PRKCA: variants seen among roughly 807,000 people sequenced by gnomAD.
PRKCA encodes the protein protein kinase C alpha.
A neutral mutation model predicts 87.0 loss-of-function variants in PRKCA; 27 were observed. That is an observed-to-expected ratio of 0.31 (90% CI 0.23 to 0.43). The LOEUF is 0.43. Among genes scored for constraint, PRKCA ranks in the 20% least tolerant of loss-of-function variants. The probability of loss-of-function intolerance (pLI) is 1.00; values close to 1 mark genes in which losing one functional copy is unlikely to be tolerated. For missense variants in PRKCA, 518 were observed against 852.3 expected, an observed-to-expected ratio of 0.61 and a Z score of 4.88; for synonymous variants, 329 against 311.1, an observed-to-expected ratio of 1.06 and a Z score of -0.61.
intron 3 of PRKCA, among the ~76,000 whole-genome samples, chr17:66,544,754 AG>A (rs1201921701): frequency 2.6e-5 from 4 of 151,924 alleles, no homozygotes; most frequent in African/African-American, 7.2e-5. Flanking sequence ...CACCATGCCC[AG>A]CTAATTTTTG....
chr17:66,434,626 G>A (rs995663327), intron 2 of PRKCA, among the ~76,000 whole-genome samples: 1 of 141,910 alleles, frequency 7.0e-6, no homozygotes, highest in Non-Finnish European at 1.5e-5. Context: ...AGCCAGATGT[G>A]TAGCTGCTTC....
intron 3 of PRKCA, among the ~76,000 whole-genome samples, chr17:66,633,904 T>G (rs1009623264): frequency 1.1e-4 from 16 of 152,236 alleles, no homozygotes; most frequent in African/African-American, 3.6e-4. Flanking sequence ...CCTCAACTAC[T>G]GCCTTTGCAG....
intron 2 of PRKCA, among the ~76,000 whole-genome samples, chr17:66,326,692 T>C (rs1598592713): frequency 6.6e-6 from 1 of 152,034 alleles, no homozygotes; most frequent in South Asian, 2.1e-4. Context: ...ATAGCCAGAG[T>C]GGGGTGTAGT....
chr17:66,318,347 T>C (rs771063431), intron 2 of PRKCA, among the ~76,000 whole-genome samples: 4 of 152,340 alleles, frequency 2.6e-5, no homozygotes, highest in African/African-American at 9.6e-5. Context: ...GATTTTTTTT[T>C]AATTTTTAGG....
At chr17:66,596,481 G>A (rs992269779) in intron 3 of PRKCA, among the ~76,000 whole-genome samples, 1 of 149,748 alleles carries the variant, frequency 6.7e-6, no homozygotes, top group Non-Finnish European at 1.5e-5. Context: ...GGAGTGATCA[G>A]TATCTTCTTC....
intron 16 of PRKCA, among the ~76,000 whole-genome samples, chr17:66,791,525 A>G (rs887814909): frequency 4.6e-5 from 7 of 152,320 alleles, no homozygotes; most frequent in Middle Eastern, 3.4e-3. Flanking sequence ...GGGCAGAGAG[A>G]TAAATGGGGC....
chr17:66,557,266 TTC>T (rs1214960302), intron 3 of PRKCA, among the ~76,000 whole-genome samples: 1 of 152,180 alleles, frequency 6.6e-6, no homozygotes, highest in Non-Finnish European at 1.5e-5. Flanking sequence ...ATTCAGAGAC[TTC>T]TCTCTGTGAA....
At chr17:66,489,248 C>T (rs957132588) in intron 2 of PRKCA, among the ~76,000 whole-genome samples, 4 of 150,904 alleles carry the variant, frequency 2.7e-5, no homozygotes, top group Non-Finnish European at 4.4e-5. Flanking sequence ...GCCTGTGTTC[C>T]GTTTTACATG....
chr17:66,432,826 C>A (rs1206922995), intron 2 of PRKCA, among the ~76,000 whole-genome samples: 1 of 152,142 alleles, frequency 6.6e-6, no homozygotes, highest in African/African-American at 2.4e-5. Flanking sequence ...AGCCCCAAAA[C>A]CCCCACCTTT....
chr17:66,576,912 T>C (rs2143433812), intron 3 of PRKCA, among the ~76,000 whole-genome samples: 1 of 151,372 alleles, frequency 6.6e-6, no homozygotes, highest in African/African-American at 2.4e-5. Flanking sequence ...TCTTGCTCTT[T>C]AACCCAGGCT....
intron 13 of PRKCA, among the ~76,000 whole-genome samples, chr17:66,748,333 G>T (rs1245014862): frequency 6.6e-6 from 1 of 152,176 alleles, no homozygotes; most frequent in African/African-American, 2.4e-5. Context: ...CCTAACATAT[G>T]TTTTTTAACA....
At chr17:66,414,780 C>A (rs1912036075) in intron 2 of PRKCA, among the ~76,000 whole-genome samples, 1 of 152,208 alleles carries the variant, frequency 6.6e-6, no homozygotes, top group East Asian at 1.9e-4. Flanking sequence ...TAGAAAAAGT[C>A]AGGGGCTGGT....
chr17:66,581,544 T>C (rs1297915032), intron 3 of PRKCA, among the ~76,000 whole-genome samples: 2 of 152,170 alleles, frequency 1.3e-5, no homozygotes, highest in African/African-American at 4.8e-5. Flanking sequence ...GGCACAATCT[T>C]GGCTCACTGC....
intron 2 of PRKCA, among the ~76,000 whole-genome samples, chr17:66,385,652 A>C (rs1782140115): frequency 6.6e-6 from 1 of 152,240 alleles, no homozygotes; most frequent in Non-Finnish European, 1.5e-5. Context: ...GCTTGAGCCC[A>C]GGAGTTTTAG....
chr17:66,314,342 G>A (rs1229384413), intron 2 of PRKCA, among the ~76,000 whole-genome samples: 1 of 152,018 alleles, frequency 6.6e-6, no homozygotes, highest in East Asian at 1.9e-4. Flanking sequence ...CTTAAGGCAT[G>A]GCCACTTCAG....
Position 66,496,199 on chromosome 17 carries a change from A to G in PRKCA, c.206-2A>G. ...AATTTTAGTTTCCTTTTTCTCTACC[A>G]GTTTGCTGTTTTGTGGTCCACAAGA... On this transcript the variant is annotated splice_acceptor_variant, in intron 2 of 16. Coordinates refer to ENST00000413366, the MANE Select transcript of PRKCA (RefSeq NM_002737.3). LOFTEE classifies it high-confidence loss of function. The G allele has an allele frequency of 6.2e-7, 1 of 1,612,486 alleles. No homozygotes were observed. The highest frequency in any genetic ancestry group is 8.5e-7 in the Non-Finnish European group (1 of 1,178,850).
chr17:66,448,595 T>C (rs1914153763), intron 2 of PRKCA, among the ~76,000 whole-genome samples: 1 of 152,192 alleles, frequency 6.6e-6, no homozygotes, highest in Non-Finnish European at 1.5e-5. Flanking sequence ...AATCCAAGTT[T>C]AGTGATTAAA....
At chr17:66,702,014 C>T (rs939769106) in intron 8 of PRKCA, among the ~76,000 whole-genome samples, 2 of 152,130 alleles carry the variant, frequency 1.3e-5, no homozygotes, top group African/African-American at 4.8e-5. Flanking sequence ...TATCTGTACT[C>T]TCAAGTTCCT....
intron 2 of PRKCA, among the ~76,000 whole-genome samples, chr17:66,422,517 T>G (rs1021032691): frequency 6.6e-6 from 1 of 152,156 alleles, no homozygotes; most frequent in African/African-American, 2.4e-5. Flanking sequence ...CCTGAAGACA[T>G]GTTAGTTTCA....
Sources: gnomAD v4.1 joint callset for allele counts (sites outside exome capture counted in the v4.1 genomes callset) on GRCh38, gnomAD v4.1.1 for gene constraint, MANE v1.5 for transcripts, NCBI Gene and HGNC (gene_info 2026-07-23, HGNC 2026-07-21) for gene names.